Variants in MINDY2 observed in about 807,000 individuals in gnomAD.
MINDY2 encodes the protein ubiquitin carboxyl-terminal hydrolase MINDY-2.
A neutral mutation model predicts 68.2 loss-of-function variants in MINDY2; 52 were observed. The observed-to-expected ratio is 0.76, with a 90% CI of 0.61 to 0.96. The LOEUF (loss-of-function observed/expected upper bound fraction) is 0.96, where lower values mean the gene tolerates loss of function less well. Ranked by LOEUF, MINDY2 falls within the 40% of genes least tolerant of loss-of-function variation. MINDY2 has a pLI of 0.00. For missense variants in MINDY2, 881 were observed against 773.4 expected, an observed-to-expected ratio of 1.14 and a Z score of -1.65; for synonymous variants, 372 against 303.0, an observed-to-expected ratio of 1.23 and a Z score of -2.36.
Position 58,771,942 on chromosome 15 carries a change from C to T in MINDY2, c.547C>T (p.His183Tyr), listed in dbSNP as rs752849204. 1.3e-6 allele frequency: 2 copies of T among 1,555,174 alleles called. No individual in the cohort carries two copies. The highest frequency in any genetic ancestry group is 1.2e-5 in the South Asian group (1 of 80,984). ...LDSLESFSNL[H>Y]SFPSSCEFNS... The stretch of plus-strand genomic sequence containing the variant: ...CTCTCTGGAGTCGTTCTCTAACCTG[C>T]ATTCTTTTCCCAGTAGCTGCGAGTT... The change falls in exon 1 of 9, where the codon CAT (histidine) becomes TAT (tyrosine). Residue 183 changes from histidine (H) to tyrosine (Y), a missense_variant. Coordinates refer to ENST00000559228, the MANE Select transcript of MINDY2 (RefSeq NM_001040450.3).
chr15:58,828,581 T>TC (rs1463110143), intron 5 of MINDY2, among the ~76,000 whole-genome samples: 1 of 146,110 alleles, frequency 6.8e-6, no homozygotes, highest in East Asian at 2.1e-4. Context: ...ATTTCTTTTT[T>TC]TTTTTTTTTT....
At chr15:58,789,845 C>G (rs972918520) in intron 2 of MINDY2, among the ~76,000 whole-genome samples, 12 of 152,188 alleles carry the variant, frequency 7.9e-5, no homozygotes, top group African/African-American at 2.9e-4. Context: ...TGGGGTTTCT[C>G]CATGTTGGTC....
chr15:58,780,548 C>T (rs1901068509), intron 1 of MINDY2, among the ~76,000 whole-genome samples: 2 of 152,148 alleles, frequency 1.3e-5, no homozygotes, highest in Admixed American at 1.3e-4. Flanking sequence ...GTCTGGTGGA[C>T]AGTAGGTCTG....
chr15:58,795,706 T>TC (rs1435774797), intron 2 of MINDY2, among the ~76,000 whole-genome samples: 16 of 152,258 alleles, frequency 1.1e-4, no homozygotes, highest in African/African-American at 3.8e-4. Flanking sequence ...GCCCAGCCTA[T>TC]CGTATGTGTT....
intron 2 of MINDY2, among the ~76,000 whole-genome samples, chr15:58,795,336 A>G (rs1902211375): frequency 1.3e-5 from 2 of 152,152 alleles, no homozygotes; most frequent in Admixed American, 1.3e-4. Context: ...AGGGGCCTTT[A>G]TAGACACTTT....
chr15:58,777,528 C>T (rs960176175), intron 1 of MINDY2, among the ~76,000 whole-genome samples: 1 of 151,898 alleles, frequency 6.6e-6, no homozygotes, highest in Admixed American at 6.6e-5. Flanking sequence ...AATCCTAGCA[C>T]TTTGGGAGGC....
rs1157376592 is a variant in MINDY2 at position 58,782,911 on chromosome 15, G to GTTTTTTTTTTTTTTTTTTTTTTTTTTTTT, written c.841-4969_841-4968insTTTTTTTTTTTTTTTTTTTTTTTTTTTTT. ...TCAATATATTTAATTTTTTCTCTCT[G>GTTTTTTTTTTTTTTTTTTTTTTTTTTTTT]TTTTTTTTTTTTTTTTTTTTTTTTT... On this transcript the variant is annotated intron_variant, in intron 1 of 8. Transcript: ENST00000559228. 3.1e-5 allele frequency among the ~76,000 whole-genome samples: 2 copies of GTTTTTTTTTTTTTTTTTTTTTTTTTTTTT among 64,494 alleles called. 1 individual carries two copies. Among genetic ancestry groups the GTTTTTTTTTTTTTTTTTTTTTTTTTTTTT allele is most frequent in the Non-Finnish European group, 5.3e-5 (2 of 37,812 alleles). 42.3% of individuals were successfully genotyped at this position (64,494 alleles called of 152,430 possible). A position where few individuals can be genotyped will look rare whatever the true frequency, so the allele number is the denominator to read the frequency against.
chr15:58,813,070 C>T (rs568228511), intron 4 of MINDY2, among the ~76,000 whole-genome samples: 19 of 152,232 alleles, frequency 1.2e-4, no homozygotes, highest in African/African-American at 4.3e-4. Flanking sequence ...TTTTGGATTG[C>T]ATTTCATACT....
intron 4 of MINDY2, among the ~76,000 whole-genome samples, chr15:58,818,651 ATTTTT>A (rs202083877): frequency 7.6e-6 from 1 of 131,554 alleles, no homozygotes. Flanking sequence ...TTGTATATTG[ATTTTT>A]TTTTTTTTTT....
chr15:58,787,939 G>A lies in MINDY2; in HGVS notation c.874G>A (p.Ala292Thr), dbSNP rs770964944. 3 of 1,592,554 alleles carry A rather than the reference G, an allele frequency of 1.9e-6. No individual in the cohort carries two copies. The highest frequency in any genetic ancestry group is 2.6e-6 in the Non-Finnish European group (3 of 1,171,262). The change falls in exon 2 of 9, where the codon GCT (alanine) becomes ACT (threonine). Residue 292 changes from alanine (A) to threonine (T), a missense_variant. Coordinates refer to ENST00000559228, the MANE Select transcript of MINDY2 (RefSeq NM_001040450.3). ...KLPPMMEIIT[A>T]EQLMEYLGDY... ...TCCACCGATGATGGAAATCATAACTGCTGAGCAGCTGATGGAATATTTAGG... is the reference window on the plus strand; with the variant it reads ...TCCACCGATGATGGAAATCATAACTACTGAGCAGCTGATGGAATATTTAGG...
rs961536629 is a variant in MINDY2, at chr15:58,831,396, T to C, written c.1226-378T>C. Among the ~76,000 whole-genome samples, 6 of 152,298 alleles carry C rather than the reference T, an allele frequency of 3.9e-5. No homozygotes were observed. In the East Asian group the frequency reaches 1.2e-3, roughly 29 times the overall value. Reference sequence around the variant, plus strand: ...ATTGGGAGGTAGCTGTTGACTGACATTTTTCTTTCCCACCCATTTTTAAAA... The same window carrying C: ...ATTGGGAGGTAGCTGTTGACTGACACTTTTCTTTCCCACCCATTTTTAAAA... On this transcript the variant is annotated intron_variant, in intron 5 of 8. Transcript: ENST00000559228.
intron 4 of MINDY2, 99 bp from the exon 5 acceptor site, chr15:58,821,618 T>C: frequency 1.9e-6 from 1 of 537,154 alleles, no homozygotes; most frequent in Admixed American, 4.5e-5. Context: ...GTTTTATATT[T>C]AGTATTATAT....
intron 4 of MINDY2, among the ~76,000 whole-genome samples, chr15:58,812,799 A>G (rs1276865332): frequency 1.3e-5 from 2 of 152,224 alleles, no homozygotes; most frequent in Admixed American, 6.5e-5. Flanking sequence ...TTGAAGCTGC[A>G]GTGAGCTGTG....
At chr15:58,848,515 G>A (rs1305822019) in intron 7 of MINDY2, among the ~76,000 whole-genome samples, 4 of 151,882 alleles carry the variant, frequency 2.6e-5, no homozygotes, top group Admixed American at 6.6e-5. Context: ...AGGCCGAGGC[G>A]GGTAGATCAC....
In MINDY2 at chr15:58,856,838, A is replaced by C. The variant is rs2033075613; in HGVS notation, c.*2228A>C. On this transcript the variant is annotated 3_prime_UTR_variant, in exon 9 of 9. Coordinates refer to ENST00000559228, the MANE Select transcript of MINDY2 (RefSeq NM_001040450.3). ...CATAGTTGAGGCATATTTTTTCATA[A>C]TTATATACTTATCTGTTTATTGCCC... 6.6e-6 allele frequency: 1 copy of C among 152,228 alleles called. No individual in the cohort carries two copies. The highest frequency in any genetic ancestry group is 2.1e-4 in the South Asian group (1 of 4,834). 9.4% of individuals were successfully genotyped at this position (152,228 alleles called of 1,614,324 possible). A position where few individuals can be genotyped will look rare whatever the true frequency, so the allele number is the denominator to read the frequency against.
At chr15:58,792,594 A>G (rs1341522861) in intron 2 of MINDY2, among the ~76,000 whole-genome samples, 3 of 152,222 alleles carry the variant, frequency 2.0e-5, no homozygotes, top group Non-Finnish European at 4.4e-5. Context: ...CGACAGAGCA[A>G]GACTCTGTCT....
chr15:58,777,271 G>A (rs2140893065), intron 1 of MINDY2, among the ~76,000 whole-genome samples: 1 of 152,258 alleles, frequency 6.6e-6, no homozygotes, highest in African/African-American at 2.4e-5. Flanking sequence ...GGGTATAGGG[G>A]CAGAGAATTA....
At chr15:58,826,018 G>A (rs2031371557) in intron 5 of MINDY2, among the ~76,000 whole-genome samples, 1 of 152,042 alleles carries the variant, frequency 6.6e-6, no homozygotes, top group Non-Finnish European at 1.5e-5. Context: ...ATGTGCCATA[G>A]ACACTGAACA....
chr15:58,807,538 AT>A (rs1903113093), intron 3 of MINDY2, among the ~76,000 whole-genome samples: 1 of 151,316 alleles, frequency 6.6e-6, no homozygotes, highest in Non-Finnish European at 1.5e-5. Flanking sequence ...AGTTTTTTGT[AT>A]TTTTTAGTAG....
Sources: gnomAD v4.1 joint callset for allele counts (sites outside exome capture counted in the v4.1 genomes callset) on GRCh38, gnomAD v4.1.1 for gene constraint, MANE v1.5 for transcripts, NCBI Gene and HGNC (gene_info 2026-07-23, HGNC 2026-07-21) for gene names.